The following MAGI3 variants were observed in gnomAD, a reference collection of about 807,000 sequenced individuals.
The protein encoded by MAGI3 is membrane-associated guanylate kinase, WW and PDZ domain-containing protein 3.
Under a neutral mutation model 121.8 loss-of-function variants are expected in MAGI3, and 43 were observed. That is an observed-to-expected ratio of 0.35 (90% CI 0.28 to 0.46). MAGI3 has a LOEUF of 0.46. Ranked by LOEUF, MAGI3 falls within the 20% of genes least tolerant of loss-of-function variation. MAGI3 has a pLI of 1.00. For missense variants in MAGI3, 1,547 were observed against 1,797.3 expected (o/e 0.86, Z 2.52); for synonymous variants, 553 against 639.3 (o/e 0.86, Z 2.04).
intron 9 of MAGI3, among the ~76,000 whole-genome samples, chr1:113,636,164 C>G (rs1262413202): frequency 6.6e-6 from 1 of 151,766 alleles, no homozygotes; most frequent in Non-Finnish European, 1.5e-5. Flanking sequence ...TTTGTTGATC[C>G]TTTCAAAAAA....
At chr1:113,516,408 A>AAAAAAAAAAAAAAAAAAC (rs1657909555) in intron 1 of MAGI3, among the ~76,000 whole-genome samples, 1 of 150,878 alleles carries the variant, frequency 6.6e-6, no homozygotes, top group Admixed American at 6.6e-5. Context: ...AAAAAAAAAA[A>AAAAAAAAAAAAAAAAAAC]AAAAAAGACA....
At chr1:113,632,600 A>T (rs1045657126) in intron 9 of MAGI3, among the ~76,000 whole-genome samples, 1 of 152,204 alleles carries the variant, frequency 6.6e-6, no homozygotes. Context: ...TACAACCAAA[A>T]TAGTCTTACT....
chr1:113,644,498 G>T (rs536576883), intron 11 of MAGI3, among the ~76,000 whole-genome samples: 1 of 152,096 alleles, frequency 6.6e-6, no homozygotes, highest in Non-Finnish European at 1.5e-5. Context: ...GGCTAGGATG[G>T]TCTCAATCTC....
rs891172958 is a variant in MAGI3, at chr1:113,658,696, A to G, written c.2630-384A>G. On this transcript the variant is annotated intron_variant, in intron 15 of 20. Transcript: ENST00000307546. The surrounding 1 kb of genome is among the most constrained non-coding windows in gnomAD (Gnocchi z 4.0). The stretch of plus-strand genomic sequence containing the variant: ...ATCGTAGCAGTTTTTAAAATAGCTA[A>G]AAACTTGTTGCAGCTTAAATGGCCA... Among the ~76,000 whole-genome samples, 2 of 152,242 alleles carry G rather than the reference A, an allele frequency of 1.3e-5. No homozygotes were observed. Among genetic ancestry groups the G allele is most frequent in the African/African-American group, 4.8e-5 (2 of 41,464 alleles).
rs200533089 is a variant in MAGI3 at position 113,659,065 on chromosome 1, T to G, written c.2630-15T>G. On this transcript the variant is annotated splice_polypyrimidine_tract_variant and intron_variant, in intron 15 of 20. Transcript: ENST00000307546. ...TCTTAAATAATTGAAAAACCTGGGG[T>G]TTTTTTTCCCATAGTTATTCCTCAT... The G allele has an allele frequency of 8.2e-5, 128 of 1,556,144 alleles. No homozygotes were observed. Among genetic ancestry groups the G allele is most frequent in the South Asian group, 3.0e-4 (25 of 83,794 alleles).
At chr1:113,636,268 A>G (rs1452985783) in intron 9 of MAGI3, among the ~76,000 whole-genome samples, 2 of 152,050 alleles carry the variant, frequency 1.3e-5, no homozygotes, top group South Asian at 2.1e-4. Context: ...GCCTTCTGCT[A>G]GCTTTTGAAT....
At position 113,684,937 on chromosome 1, in the gene MAGI3, A is replaced by G. The variant is rs1648457483; in HGVS notation, c.*923A>G. 6.6e-6 allele frequency: 1 copy of G among 152,396 alleles called. No individual in the cohort carries two copies. The highest frequency in any genetic ancestry group is 3.2e-3 in the Middle Eastern group (1 of 316). The allele number at this position is 152,396 out of a possible 1,614,324, so 9.4% of individuals were successfully genotyped here. On this transcript the variant is annotated 3_prime_UTR_variant, in exon 21 of 21. Coordinates refer to ENST00000307546, the MANE Select transcript of MAGI3 (RefSeq NM_001142782.2). ...TACTAAAGTCATTAGTCTTTAATAC[A>G]TAATACATATTTGAAAAGTAAACAT...
intron 5 of MAGI3, among the ~76,000 whole-genome samples, chr1:113,592,310 T>C (rs1325430382): frequency 6.6e-6 from 1 of 152,192 alleles, no homozygotes; most frequent in Non-Finnish European, 1.5e-5. Context: ...AAGAAAATAA[T>C]GTTCATATAG....
At chr1:113,516,957 A>G (rs1657942240) in intron 1 of MAGI3, among the ~76,000 whole-genome samples, 1 of 151,954 alleles carries the variant, frequency 6.6e-6, no homozygotes, top group Admixed American at 6.6e-5. Flanking sequence ...GAGACAAACT[A>G]CAATTGAAGG....
At position 113,659,077 on chromosome 1, in the gene MAGI3, T is replaced by C. The variant is rs762176479; in HGVS notation, c.2630-3T>C. On this transcript the variant is annotated splice_polypyrimidine_tract_variant and splice_region_variant and intron_variant, in intron 15 of 20. Coordinates refer to ENST00000307546, the MANE Select transcript of MAGI3 (RefSeq NM_001142782.2). ...GAAAAACCTGGGGTTTTTTTTCCCA[T>C]AGTTATTCCTCATAAAATTGGCCGA... is the stretch of plus-strand genomic sequence containing the variant. 1.3e-6 allele frequency: 2 copies of C among 1,597,480 alleles called. No homozygotes were observed. Among genetic ancestry groups the C allele is most frequent in the South Asian group, 2.3e-5 (2 of 88,734 alleles).
At chr1:113,679,266 A>G (rs1005518964) in intron 19 of MAGI3, among the ~76,000 whole-genome samples, 1 of 151,398 alleles carries the variant, frequency 6.6e-6, no homozygotes, top group Non-Finnish European at 1.5e-5. Context: ...CCCTCCCCCC[A>G]TCTTGTATTC....
intron 9 of MAGI3, among the ~76,000 whole-genome samples, chr1:113,633,234 C>G (rs2101805972): frequency 8.5e-6 from 1 of 117,558 alleles, no homozygotes; most frequent in African/African-American, 3.3e-5. Context: ...GACATGAACT[C>G]ATCATTTTTT....
chr1:113,678,223 C>A (rs1341857126), intron 19 of MAGI3, among the ~76,000 whole-genome samples: 1 of 152,026 alleles, frequency 6.6e-6, no homozygotes, highest in African/African-American at 2.4e-5. Flanking sequence ...ACCTGTTTTA[C>A]AAGATATGCC....
intron 1 of MAGI3, among the ~76,000 whole-genome samples, chr1:113,435,771 G>A (rs1653535311): frequency 6.6e-6 from 1 of 152,036 alleles, no homozygotes; most frequent in Non-Finnish European, 1.5e-5. Context: ...GTATAAATCA[G>A]GTGGAAAAAG....
chr1:113,441,047 T>C (rs1490768402), intron 1 of MAGI3, among the ~76,000 whole-genome samples: 1 of 152,132 alleles, frequency 6.6e-6, no homozygotes, highest in Non-Finnish European at 1.5e-5. Context: ...CTACCAGATA[T>C]ATAACAAAGA....
At chr1:113,542,402 T>C (rs532687993) in intron 1 of MAGI3, among the ~76,000 whole-genome samples, 1 of 152,196 alleles carries the variant, frequency 6.6e-6, no homozygotes, top group Non-Finnish European at 1.5e-5. Context: ...ATTAATTGTT[T>C]ATGTCTGGAA....
intron 1 of MAGI3, among the ~76,000 whole-genome samples, chr1:113,516,231 G>A (rs145542737): frequency 1.3e-5 from 2 of 151,902 alleles, no homozygotes; most frequent in African/African-American, 2.4e-5. Context: ...CTGCTCAGTA[G>A]CAGTAAGCAG....
At chr1:113,607,818 C>T (rs1293303817) in intron 6 of MAGI3, among the ~76,000 whole-genome samples, 1 of 152,090 alleles carries the variant, frequency 6.6e-6, no homozygotes, top group African/African-American at 2.4e-5. Context: ...GAGTAAAGTC[C>T]AGACTCCTTG....
intron 1 of MAGI3, among the ~76,000 whole-genome samples, chr1:113,394,315 G>A (rs1041011028): frequency 1.3e-5 from 2 of 152,146 alleles, no homozygotes; most frequent in Admixed American, 6.5e-5. Flanking sequence ...TTAGTAGTCA[G>A]TACTTTGCCC....
Sources: allele counts gnomAD v4.1 joint callset (sites outside exome capture counted in the v4.1 genomes callset), GRCh38; gene constraint gnomAD v4.1.1; non-coding constraint Gnocchi (gnomAD v3.1); transcripts MANE v1.5; gene names NCBI Gene and HGNC (gene_info 2026-07-23, HGNC 2026-07-21).